Variants in TBX20 observed in about 807,000 individuals in gnomAD.
TBX20 encodes T-box transcription factor TBX20.
In TBX20, 8 loss-of-function variants were observed where a neutral mutation model predicts 42.9. The ratio of observed to expected loss-of-function variants is 0.19; its 90% confidence interval spans 0.11 to 0.34. The LOEUF (loss-of-function observed/expected upper bound fraction) is 0.34, where lower values mean the gene tolerates loss of function less well. Among genes scored for constraint, TBX20 ranks in the 10% least tolerant of loss-of-function variants. The pLI, the probability that TBX20 is intolerant of heterozygous loss-of-function variation, is 1.00. For missense variants in TBX20, 411 were observed against 566.0 expected, an observed-to-expected ratio of 0.73 and a Z score of 2.78; for synonymous variants, 198 against 222.8, an observed-to-expected ratio of 0.89 and a Z score of 0.99.
chr7:35,233,121 TTC>T (rs1203274620), intron 5 of TBX20, among the ~76,000 whole-genome samples: 2 of 152,226 alleles, frequency 1.3e-5, no homozygotes, highest in East Asian at 1.9e-4. Flanking sequence ...CGTGAGGAAT[TTC>T]TTTTTTCATT....
intron 5 of TBX20, among the ~76,000 whole-genome samples, chr7:35,238,564 G>T (rs1790011732): frequency 6.6e-6 from 1 of 152,138 alleles, no homozygotes; most frequent in African/African-American, 2.4e-5. Flanking sequence ...TAAAAGCTAT[G>T]AAATCAATTA....
chr7:35,237,190 T>G (rs140948410), intron 5 of TBX20, among the ~76,000 whole-genome samples: 1,565 of 152,224 alleles, frequency 0.01, 27 homozygotes, highest in African/African-American at 0.036. Flanking sequence ...TTTCTAATTC[T>G]ACAAAATGGG....
chr7:35,238,759 T>C (rs1414898157), intron 5 of TBX20, among the ~76,000 whole-genome samples: 2 of 152,242 alleles, frequency 1.3e-5, no homozygotes, highest in African/African-American at 4.8e-5. Context: ...TTGGGCATTC[T>C]CTGAATGTTT....
intron 5 of TBX20, among the ~76,000 whole-genome samples, chr7:35,233,189 G>A (rs180747990): frequency 4.9e-4 from 74 of 152,116 alleles, no homozygotes; most frequent in Admixed American, 9.2e-4. Context: ...TCAGAACCAA[G>A]GCACAAGCTG....
At chr7:35,237,841 G>A (rs1789995983) in intron 5 of TBX20, among the ~76,000 whole-genome samples, 1 of 149,256 alleles carries the variant, frequency 6.7e-6, no homozygotes, top group Non-Finnish European at 1.5e-5. Flanking sequence ...ACTTGCTGAT[G>A]TGTGGTGTGA....
intron 6 of TBX20, among the ~76,000 whole-genome samples, chr7:35,216,402 G>A (rs146570917): frequency 6.0e-4 from 92 of 152,236 alleles, no homozygotes; most frequent in Admixed American, 1.6e-3. Context: ...GTGTGCTCAC[G>A]GGCAAATTAC....
intron 6 of TBX20, among the ~76,000 whole-genome samples, chr7:35,227,712 T>A (rs1789798854): frequency 1.3e-5 from 2 of 152,126 alleles, no homozygotes; most frequent in African/African-American, 2.4e-5. Context: ...GTTAAGTGAC[T>A]CATGACTATA....
At position 35,202,654 on chromosome 7, in the gene TBX20, A is replaced by T. The variant is rs1225322188; in HGVS notation, c.1120T>A (p.Ser374Thr). ...GGGTGAGGAATGGGTGTTGCTATGG[A>T]TGCTGTGCTGGTGCCAAGAGCAGTC... is the stretch of plus-strand genomic sequence containing the variant. ...SLTALGTSTA[S>T]IATPIPHPIQ... The change falls in exon 8 of 8, where the codon TCC becomes ACC. Residue 374 changes from serine (S) to threonine (T), a missense_variant. By Grantham distance (58) the Ser-to-Thr change is moderately conservative. Coordinates refer to ENST00000408931, the MANE Select transcript of TBX20 (RefSeq NM_001077653.2). 2 of 1,613,750 alleles carry T rather than the reference A, an allele frequency of 1.2e-6. No individual in the cohort carries two copies. Among genetic ancestry groups the T allele is most frequent in the Admixed American group, 1.7e-5 (1 of 59,992 alleles).
intron 6 of TBX20, among the ~76,000 whole-genome samples, chr7:35,231,063 T>C (rs1216303786): frequency 6.6e-6 from 1 of 152,202 alleles, no homozygotes; most frequent in Non-Finnish European, 1.5e-5. Flanking sequence ...TAAAATTATG[T>C]GACCTTGAAT....
intron 6 of TBX20, among the ~76,000 whole-genome samples, chr7:35,225,044 C>A (rs1789746460): frequency 6.6e-6 from 1 of 151,932 alleles, no homozygotes; most frequent in South Asian, 2.1e-4. Context: ...GAGATAAAAT[C>A]ATCATTTTTG....
intron 1 of TBX20, 84 bp downstream of exon 1, chr7:35,253,410 T>G: frequency 6.7e-7 from 1 of 1,502,168 alleles, no homozygotes; most frequent in Non-Finnish European, 9.0e-7. Context: ...CATCAGACGT[T>G]GCTGCGAGCC....
intron 6 of TBX20, among the ~76,000 whole-genome samples, chr7:35,217,452 G>A (rs1451598266): frequency 6.6e-6 from 1 of 152,110 alleles, no homozygotes. Context: ...ATTTACAACC[G>A]TAAGTTAATT....
In TBX20 at chr7:35,245,041, C is replaced by A; in HGVS notation, c.562G>T (p.Asp188Tyr). 1.2e-6 allele frequency: 2 copies of A among 1,613,310 alleles called. No homozygotes were observed. Among genetic ancestry groups the A allele is most frequent in the Non-Finnish European group, 1.7e-6 (2 of 1,179,424 alleles). Residue 188 changes from aspartate (D) to tyrosine (Y), a missense_variant, in exon 4 of 8, where the codon GAT becomes TAT. Physicochemically the swap from Asp to Tyr is radical, Grantham distance 160 (BLOSUM62 -3). This residue lies in a region of TBX20 where 121 missense variants were observed against 165.9 expected (regional missense o/e 0.73). Transcript: ENST00000408931. ...AGTTGCTCACCGGTAAAAGGAGAAT[C>A]TGGATGCACATAGAGCCTAAGAAAA... is the stretch of plus-strand genomic sequence containing the variant. ...PLPARLYVHP[D>Y]SPFTGEQLLK... is the part of the protein sequence containing the mutation.
intron 3 of TBX20, among the ~76,000 whole-genome samples, chr7:35,245,746 T>C (rs1790171874): frequency 6.6e-6 from 1 of 152,196 alleles, no homozygotes; most frequent in African/African-American, 2.4e-5. Flanking sequence ...TTCAATTTAT[T>C]TATCTGTAAA....
chr7:35,240,520 A>G (rs1320163245), intron 5 of TBX20, among the ~76,000 whole-genome samples: 1 of 152,194 alleles, frequency 6.6e-6, no homozygotes, highest in Admixed American at 6.5e-5. Flanking sequence ...AATTGAGCAG[A>G]GAAACTGAAC....
In TBX20 at chr7:35,253,598, T is replaced by C. The variant is rs760680589; in HGVS notation, c.23A>G (p.Lys8Arg). MEFTASP[K>R]PQLSSRANAF... is the part of the protein sequence containing the mutation. ...GTTGGCCCGAGAGGAGAGTTGGGGC[T>C]TGGGGGACGCCGTGAACTCCATGGT... is the stretch of plus-strand genomic sequence containing the variant. Residue 8 changes from lysine (K) to arginine (R), a missense_variant, in exon 1 of 8, where the codon AAG becomes AGG. Around this residue, in one of 5 missense-constraint regions of TBX20, gnomAD observed 114 missense variants for 128.0 expected, o/e 0.89. Coordinates refer to ENST00000408931, the MANE Select transcript of TBX20 (RefSeq NM_001077653.2). 6.2e-7 allele frequency: 1 copy of C among 1,611,890 alleles called. No homozygotes were observed. Among genetic ancestry groups the C allele is most frequent in the Admixed American group, 1.7e-5 (1 of 60,000 alleles).
In TBX20 at chr7:35,202,582, T is replaced by C. The variant is rs768090264; in HGVS notation, c.1192A>G (p.Thr398Ala). The change falls in exon 8 of 8, where the codon ACA becomes GCA. Residue 398 changes from threonine to alanine, a missense_variant. Transcript: ENST00000408931. ...PPYSRLGMPL[T>A]PSAIASSMQG... is the part of the protein sequence containing the mutation. ...ATGGAGCTGGCAATGGCCGATGGTG[T>C]CAGAGGCATTCCCAGTCGGCTATAT... The C allele has an allele frequency of 2.5e-6, 4 of 1,613,992 alleles. No homozygotes were observed. Among genetic ancestry groups the C allele is most frequent in the Non-Finnish European group, 3.4e-6 (4 of 1,179,932 alleles).
At chr7:35,237,346 AGTT>A (rs1391084869) in intron 5 of TBX20, among the ~76,000 whole-genome samples, 2 of 151,504 alleles carry the variant, frequency 1.3e-5, no homozygotes, top group Non-Finnish European at 2.9e-5. Flanking sequence ...GTTTAGGGGC[AGTT>A]GGTCTATCCT....
At position 35,204,500 on chromosome 7, in the gene TBX20, C is replaced by T. The variant is rs1175494481; in HGVS notation, c.973G>A (p.Gly325Arg). The T allele has an allele frequency of 1.2e-6, 2 of 1,613,918 alleles. No individual in the cohort carries two copies. Among genetic ancestry groups the T allele is most frequent in the Non-Finnish European group, 1.7e-6 (2 of 1,179,954 alleles). The change falls in exon 7 of 8, where the codon GGG becomes AGG. Residue 325 changes from glycine (G) to arginine (R), a missense_variant. Around this residue, in one of 5 missense-constraint regions of TBX20, gnomAD observed 162 missense variants for 205.4 expected, o/e 0.79. Transcript: ENST00000408931. ...RTYGGEEDVLGDESQTTPNRG... is the reference protein window; with the variant it reads ...RTYGGEEDVLRDESQTTPNRG... Reference sequence around the variant, plus strand: ...TTTGGGGTTGTCTGACTCTCATCCCCCAAGACATCTTCTTCTCCTCCGTAG... The same window carrying T: ...TTTGGGGTTGTCTGACTCTCATCCCTCAAGACATCTTCTTCTCCTCCGTAG...
Sources: gnomAD v4.1 joint callset for allele counts (sites outside exome capture counted in the v4.1 genomes callset) on GRCh38, gnomAD v4.1.1 for gene constraint, gnomAD v4.1.1 regional missense constraint, MANE v1.5 for transcripts, NCBI Gene and HGNC (gene_info 2026-07-23, HGNC 2026-07-21) for gene names.